PRKG1: variants seen among roughly 807,000 people sequenced by gnomAD.
PRKG1 encodes cGMP-dependent protein kinase 1.
Under a neutral mutation model 88.1 loss-of-function variants are expected in PRKG1, and 35 were observed. The ratio of observed to expected loss-of-function variants is 0.40; its 90% CI spans 0.30 to 0.53. The LOEUF (loss-of-function observed/expected upper bound fraction) is 0.53, where lower values mean the gene tolerates loss of function less well. Ranked by LOEUF, PRKG1 falls within the 20% of genes least tolerant of loss-of-function variation. The pLI is 0.59. For missense variants in PRKG1, 540 were observed against 839.8 expected (o/e 0.64, Z 4.41); for synonymous variants, 303 against 292.5 (o/e 1.04, Z -0.37).
intron 2 of PRKG1, among the ~76,000 whole-genome samples, chr10:51,227,664 T>C (rs1838728951): frequency 6.6e-6 from 1 of 152,242 alleles, no homozygotes; most frequent in Non-Finnish European, 1.5e-5. Flanking sequence ...GACCAGACTT[T>C]AGAGTTTGGT....
At chr10:51,797,636 TA>T in intron 3 of PRKG1, among the ~76,000 whole-genome samples, 1 of 149,108 alleles carries the variant, frequency 6.7e-6, no homozygotes, top group South Asian at 2.1e-4. Flanking sequence ...AATAAACTTT[TA>T]TTTTTTATAT....
intron 3 of PRKG1, among the ~76,000 whole-genome samples, chr10:51,493,460 A>AT (rs35091855): frequency 6.6e-6 from 1 of 152,074 alleles, no homozygotes; most frequent in African/African-American, 2.4e-5. Flanking sequence ...ATATGATGAC[A>AT]TTTTTTCCAT....
At chr10:51,106,885 A>G (rs958664889) in intron 1 of PRKG1, among the ~76,000 whole-genome samples, 2 of 152,226 alleles carry the variant, frequency 1.3e-5, no homozygotes, top group East Asian at 1.9e-4. Context: ...TGTCAGGGAC[A>G]CAATAGTGAA....
chr10:51,072,655 CTG>C (rs1266189999), upstream of PRKG1, among the ~76,000 whole-genome samples: 2 of 152,054 alleles, frequency 1.3e-5, no homozygotes, highest in East Asian at 1.9e-4. Context: ...TTCTGAAAGT[CTG>C]TGTTGGAAAG....
intron 7 of PRKG1, among the ~76,000 whole-genome samples, chr10:52,113,239 C>G (rs1239862768): frequency 1.3e-5 from 2 of 152,088 alleles, no homozygotes; most frequent in Admixed American, 1.3e-4. Flanking sequence ...AAGTTTGTTG[C>G]TAATCTCTAA....
intron 10 of PRKG1, among the ~76,000 whole-genome samples, chr10:52,263,373 T>C (rs1013350540): frequency 1.3e-5 from 2 of 152,070 alleles, no homozygotes; most frequent in African/African-American, 4.8e-5. Context: ...TTCAAGGAAT[T>C]ACAAGTTCTC....
intron 2 of PRKG1, among the ~76,000 whole-genome samples, chr10:51,166,046 T>C (rs1276667276): frequency 1.3e-5 from 2 of 152,100 alleles, no homozygotes; most frequent in South Asian, 4.1e-4. Context: ...TATATTCGGA[T>C]CATGCAGATC....
chr10:52,181,414 CTCT>C (rs1426790910), intron 9 of PRKG1, among the ~76,000 whole-genome samples: 4 of 129,534 alleles, frequency 3.1e-5, no homozygotes, highest in Non-Finnish European at 4.8e-5. Context: ...TGGCTCACAG[CTCT>C]TCTTTTTTTT....
chr10:51,637,160 A>T (rs1160349176), intron 3 of PRKG1, among the ~76,000 whole-genome samples: 1 of 152,214 alleles, frequency 6.6e-6, no homozygotes, highest in African/African-American at 2.4e-5. Context: ...GCCAAGAAAC[A>T]TATGGAAAAA....
chr10:52,128,471 A>G (rs757703004), intron 7 of PRKG1: 73 of 985,288 alleles, frequency 7.4e-5, no homozygotes, highest in Non-Finnish European at 8.8e-5. Flanking sequence ...TTATTCAGAT[A>G]CTGACAGTGA....
chr10:51,314,030 T>C (rs902047469), intron 2 of PRKG1, among the ~76,000 whole-genome samples: 2 of 152,220 alleles, frequency 1.3e-5, no homozygotes, highest in African/African-American at 4.8e-5. Context: ...ACAAGAAGTA[T>C]GATGAGGTCT....
At chr10:52,074,923 T>G (rs1461712222) in intron 7 of PRKG1, among the ~76,000 whole-genome samples, 1 of 152,214 alleles carries the variant, frequency 6.6e-6, no homozygotes, top group Non-Finnish European at 1.5e-5. Context: ...TTCTTATTCC[T>G]TGTTCATACA....
chr10:52,277,786 A>G (rs2132442563), intron 12 of PRKG1, among the ~76,000 whole-genome samples: 1 of 152,318 alleles, frequency 6.6e-6, no homozygotes, highest in African/African-American at 2.4e-5. Context: ...TATTCTGCAG[A>G]CATTTCATGA....
chr10:51,470,506 A>G (rs555802580), intron 3 of PRKG1, among the ~76,000 whole-genome samples: 1 of 151,556 alleles, frequency 6.6e-6, no homozygotes, highest in African/African-American at 2.4e-5. Flanking sequence ...TCTCTTTTCT[A>G]TTTTCCTTGA....
chr10:51,403,282 A>G (rs1250680918), intron 2 of PRKG1, among the ~76,000 whole-genome samples: 4 of 152,206 alleles, frequency 2.6e-5, no homozygotes, highest in Non-Finnish European at 4.4e-5. Flanking sequence ...CGAGCTACAT[A>G]TGGCATGTTA....
intron 3 of PRKG1, among the ~76,000 whole-genome samples, chr10:51,744,029 C>T (rs562257257): frequency 2.6e-5 from 4 of 151,730 alleles, no homozygotes; most frequent in Non-Finnish European, 4.4e-5. Context: ...CCTTTCTTCT[C>T]GATTTCTTTC....
chr10:52,098,735 G>C (rs1847230204), intron 7 of PRKG1, among the ~76,000 whole-genome samples: 1 of 152,204 alleles, frequency 6.6e-6, no homozygotes, highest in African/African-American at 2.4e-5. Context: ...CAGAAAATGG[G>C]AATTTGGGAA....
intron 2 of PRKG1, among the ~76,000 whole-genome samples, chr10:51,165,395 GAA>G (rs1338282929): frequency 9.9e-5 from 15 of 152,126 alleles, no homozygotes; most frequent in Admixed American, 9.8e-4. Flanking sequence ...GCTCCTGAAG[GAA>G]GCACTAAACA....
At chr10:51,191,737 G>T (rs543046963) in intron 2 of PRKG1, among the ~76,000 whole-genome samples, 1 of 151,598 alleles carries the variant, frequency 6.6e-6, no homozygotes, top group African/African-American at 2.4e-5. Flanking sequence ...ACCAATCTAC[G>T]TAAGTATCAG....
Sources: allele counts gnomAD v4.1 joint callset (sites outside exome capture counted in the v4.1 genomes callset), GRCh38; gene constraint gnomAD v4.1.1; transcripts MANE v1.5; gene names NCBI Gene and HGNC (gene_info 2026-07-23, HGNC 2026-07-21).